PHC2: variants seen among roughly 807,000 people sequenced by gnomAD.
PHC2 encodes the protein polyhomeotic homolog 2.
A neutral mutation model predicts 87.4 loss-of-function variants in PHC2; 29 were observed. The ratio of observed to expected loss-of-function variants is 0.33; its 90% CI spans 0.25 to 0.45. The LOEUF (loss-of-function observed/expected upper bound fraction) is 0.45. Ranked by LOEUF, PHC2 falls within the 20% of genes least tolerant of loss-of-function variation. The pLI, the probability that PHC2 is intolerant of heterozygous loss-of-function variation, is 1.00. For missense variants in PHC2, 857 were observed against 1,136.7 expected (o/e 0.75, Z 3.54); for synonymous variants, 438 against 461.7 (o/e 0.95, Z 0.66).
chr1:33,354,284 G>A, intron 9 of PHC2, 117 bp downstream of exon 9: 1 of 931,232 alleles, frequency 1.1e-6, no homozygotes. Flanking sequence ...CAACCCCCCA[G>A]CTTCCTTGCT....
At chr1:33,330,848 A>G (rs1646477618) in intron 12 of PHC2, among the ~76,000 whole-genome samples, 1 of 152,236 alleles carries the variant, frequency 6.6e-6, no homozygotes. Flanking sequence ...TAACCTGTAT[A>G]AAGGGGACAA....
intron 1 of PHC2, among the ~76,000 whole-genome samples, chr1:33,425,908 C>T (rs916151440): frequency 1.1e-4 from 17 of 152,132 alleles, no homozygotes; most frequent in Non-Finnish European, 2.1e-4. Context: ...ACACTCTGAA[C>T]GGGGATGAGA....
chr1:33,325,944 G>C (rs1462240746), intron 14 of PHC2: 2 of 455,990 alleles, frequency 4.4e-6, no homozygotes, highest in Admixed American at 2.4e-5. Flanking sequence ...TGGCCTTTAG[G>C]GAAGCTGCTG....
intron 7 of PHC2, among the ~76,000 whole-genome samples, chr1:33,360,346 A>G (rs1435706872): frequency 6.6e-6 from 1 of 152,268 alleles, no homozygotes; most frequent in Non-Finnish European, 1.5e-5. Context: ...AGAAAATGTT[A>G]TCTGCATCTC....
At chr1:33,335,577 A>G (rs948837100) in intron 9 of PHC2, among the ~76,000 whole-genome samples, 2 of 152,362 alleles carry the variant, frequency 1.3e-5, no homozygotes, top group African/African-American at 2.4e-5. Flanking sequence ...ATTATATAGT[A>G]TGGAAAAGTC....
At chr1:33,338,168 CTT>C (rs1476177753) in intron 9 of PHC2, among the ~76,000 whole-genome samples, 1 of 152,208 alleles carries the variant, frequency 6.6e-6, no homozygotes, top group Non-Finnish European at 1.5e-5. Context: ...GAAGATCACT[CTT>C]GAGGTCAGAG....
chr1:33,410,995 C>T (rs2148391413), intron 1 of PHC2, among the ~76,000 whole-genome samples: 1 of 152,236 alleles, frequency 6.6e-6, no homozygotes, highest in African/African-American at 2.4e-5. Flanking sequence ...CCAAGTCTTT[C>T]TTCACCTGGA....
chr1:33,335,998 T>TG (rs35270760), intron 9 of PHC2, among the ~76,000 whole-genome samples: 2,374 of 148,116 alleles, frequency 0.016, 25 homozygotes, highest in Non-Finnish European at 0.022. Context: ...TTGTTGTTGT[T>TG]TTTTTTTTTA....
intron 3 of PHC2, 30 bp downstream of exon 3, chr1:33,372,259 A>G (rs368405461): frequency 6.1e-4 from 912 of 1,484,184 alleles, no homozygotes; most frequent in Non-Finnish European, 7.6e-4. Flanking sequence ...GATGCCTGGC[A>G]CCAGCCTCAA....
chr1:33,415,226 A>C (rs1650154744), intron 1 of PHC2, among the ~76,000 whole-genome samples: 1 of 152,122 alleles, frequency 6.6e-6, no homozygotes, highest in Non-Finnish European at 1.5e-5. Context: ...AGGCCTCCCT[A>C]GAGTCTTTGA....
rs1042697703 is a variant in PHC2, at chr1:33,345,793, T to C, written c.1558+8608A>G. The C allele has an allele frequency of 7.1e-6, 7 of 985,068 alleles. No homozygotes were observed. The African/African-American group carries it at 1.0e-4, about 15-fold the overall frequency. The allele number at this position is 985,068 out of a possible 1,614,324, so 61.0% of individuals were successfully genotyped here. On this transcript the variant is annotated intron_variant, in intron 9 of 14. Transcript: ENST00000683057. ...TATTTTCCTAACAATTCCCAAAATA[T>C]CCACATCATAAAGCAGAATTAAAGA...
At chr1:33,342,047 G>A (rs894637708) in intron 9 of PHC2, among the ~76,000 whole-genome samples, 8 of 152,236 alleles carry the variant, frequency 5.3e-5, no homozygotes, top group Non-Finnish European at 1.0e-4. Context: ...AGTGACAGAA[G>A]GACCCTGTGG....
intron 1 of PHC2, among the ~76,000 whole-genome samples, chr1:33,407,211 T>G (rs917653779): frequency 6.6e-6 from 1 of 152,232 alleles, no homozygotes; most frequent in Non-Finnish European, 1.5e-5. Context: ...TCAGGATAGT[T>G]ACTTTACAGT....
In PHC2 at chr1:33,354,955, A is replaced by G. The variant is rs750894064; in HGVS notation, c.1275T>C (p.Pro425=). ...TCTGAGGCCCAGTATCAGGTGTGGG[A>G]GGGTGACACTGCTGACTGCCGCCAG... is the stretch of plus-strand genomic sequence containing the variant. ...HKPGGSQQCH[P]PTPDTGPQNG... Residue 425 remains proline, a synonymous_variant, in exon 8 of 15, where the codon CCT becomes CCC. Transcript: ENST00000683057. 6.2e-7 allele frequency: 1 copy of G among 1,614,174 alleles called. No individual in the cohort carries two copies. Among genetic ancestry groups the G allele is most frequent in the Non-Finnish European group, 8.5e-7 (1 of 1,180,042 alleles).
intron 6 of PHC2, 83 bp from the exon 7 acceptor site, chr1:33,367,511 T>A: frequency 9.7e-7 from 1 of 1,025,832 alleles, no homozygotes; most frequent in Non-Finnish European, 1.4e-6. Context: ...GAGGGATGGA[T>A]CCAGGAATGG....
intron 1 of PHC2, 65 bp downstream of exon 1, chr1:33,430,911 G>C (rs1650891797): frequency 6.6e-6 from 1 of 150,782 alleles, no homozygotes; most frequent in Non-Finnish European, 1.5e-5. Flanking sequence ...CGCGGCGGCC[G>C]GTGTCCCCCG....
intron 1 of PHC2, among the ~76,000 whole-genome samples, chr1:33,387,864 C>T (rs935991857): frequency 3.3e-5 from 5 of 152,252 alleles, no homozygotes; most frequent in Admixed American, 6.5e-5. Context: ...CCCGCAGCAG[C>T]GTCAGTCTAA....
rs973370406 is a variant in PHC2, at chr1:33,397,635, C to A, written c.-54-22042G>T. Among the ~76,000 whole-genome samples the A allele has an allele frequency of 2.6e-5, 4 of 152,128 alleles. No homozygotes were observed. The East Asian group carries it at 7.8e-4, about 30-fold the overall frequency. ...TCCTGAGTCTGTTCCTCTGGCAGCA[C>A]GGCAGCTCTCTGCCCTCTTTGTTTG... On this transcript the variant is annotated intron_variant, in intron 1 of 14. Coordinates refer to ENST00000683057, the MANE Select transcript of PHC2 (RefSeq NM_001385109.1).
At chr1:33,374,739 A>AT (rs960161568) in intron 2 of PHC2, among the ~76,000 whole-genome samples, 7 of 152,176 alleles carry the variant, frequency 4.6e-5, no homozygotes, top group Admixed American at 2.6e-4. Context: ...GAGAGGTTCA[A>AT]TTTTTTTGTC....
Sources: allele counts gnomAD v4.1 joint callset (sites outside exome capture counted in the v4.1 genomes callset), GRCh38; gene constraint gnomAD v4.1.1; transcripts MANE v1.5; gene names NCBI Gene and HGNC (gene_info 2026-07-23, HGNC 2026-07-21).